Variants in SLCO1A2 observed in about 807,000 individuals in gnomAD.
SLCO1A2 encodes the protein OATP-1.
In SLCO1A2, 67 loss-of-function variants were observed where a neutral mutation model predicts 69.0. The observed-to-expected ratio is 0.97, with a 90% confidence interval of 0.80 to 1.19. The LOEUF is 1.19. Ranked by LOEUF, SLCO1A2 falls within the 50% of genes most tolerant of loss-of-function variation. The probability of loss-of-function intolerance (pLI) is 0.00; values close to 1 mark genes in which losing one functional copy is unlikely to be tolerated. For missense variants in SLCO1A2, 787 were observed against 793.7 expected (o/e 0.99, Z 0.10); for synonymous variants, 260 against 265.9 (o/e 0.98, Z 0.22).
chr12:21,405,981 G>A (rs1269922029), intron 1 of SLCO1A2, among the ~76,000 whole-genome samples: 1 of 152,142 alleles, frequency 6.6e-6, no homozygotes, highest in East Asian at 1.9e-4. Flanking sequence ...AATATTTATT[G>A]AGCACCTACT....
intron 4 of SLCO1A2, among the ~76,000 whole-genome samples, chr12:21,308,317 T>C (rs192980925): frequency 6.6e-6 from 1 of 152,032 alleles, no homozygotes; most frequent in Admixed American, 6.5e-5. Flanking sequence ...ATTTTCAAAA[T>C]GGAAAAGCAG....
In SLCO1A2 at chr12:21,269,494, A is replaced by ATTAAG. The variant is rs1370265428; in HGVS notation, c.*49_*53dup. 6.7e-6 allele frequency: 9 copies of ATTAAG among 1,348,124 alleles called. No homozygotes were observed. Among genetic ancestry groups the ATTAAG allele is most frequent in the Non-Finnish European group, 8.3e-6 (8 of 965,370 alleles). 83.5% of individuals were successfully genotyped at this position (1,348,124 alleles called of 1,614,324 possible). On this transcript the variant is annotated 3_prime_UTR_variant, in exon 15 of 15. Coordinates refer to ENST00000683939, the MANE Select transcript of SLCO1A2 (RefSeq NM_001386879.1). ...TATATCTCTACTGATTTTTAAAACA[A>ATTAAG]TTAAGTTGTACAGCATGTTCTCTAA...
chr12:21,271,006 A>G (rs770042275), intron 14 of SLCO1A2, among the ~76,000 whole-genome samples: 1 of 151,570 alleles, frequency 6.6e-6, no homozygotes, highest in Non-Finnish European at 1.5e-5. Context: ...ATTTTCTTTT[A>G]TTATGAAACA....
chr12:21,338,794 T>TA (rs1325657928), upstream of SLCO1A2, among the ~76,000 whole-genome samples: 1 of 151,818 alleles, frequency 6.6e-6, no homozygotes, highest in Non-Finnish European at 1.5e-5. Context: ...CTTTTTCTCA[T>TA]AGAGACAAGA....
chr12:21,408,037 A>T (rs930189247), intron 1 of SLCO1A2, among the ~76,000 whole-genome samples: 1 of 152,118 alleles, frequency 6.6e-6, no homozygotes, highest in Non-Finnish European at 1.5e-5. Flanking sequence ...AAGTCTTTCT[A>T]TAGGGGGAAT....
intron 2 of SLCO1A2, among the ~76,000 whole-genome samples, chr12:21,357,627 T>C (rs952513202): frequency 5.9e-5 from 9 of 152,218 alleles, no homozygotes; most frequent in African/African-American, 1.7e-4. Flanking sequence ...CTAAGTATTA[T>C]TGAATGAATA....
At chr12:21,393,399 T>G (rs541927972) in intron 1 of SLCO1A2, among the ~76,000 whole-genome samples, 1 of 152,288 alleles carries the variant, frequency 6.6e-6, no homozygotes, top group Non-Finnish European at 1.5e-5. Context: ...ATACACTGAT[T>G]CTATTAGATG....
chr12:21,364,910 T>C (rs895467584), intron 2 of SLCO1A2, among the ~76,000 whole-genome samples: 2 of 152,086 alleles, frequency 1.3e-5, no homozygotes, highest in East Asian at 1.9e-4. Flanking sequence ...CACAAACAAA[T>C]GGAAGAACAT....
exon 2 of SLCO1A2, chr12:21,374,471 T>A (rs1282557412): frequency 2.0e-5 from 3 of 152,108 alleles, no homozygotes; most frequent in Admixed American, 1.3e-4. Context: ...TTTGTTTTCC[T>A]TCGAGGTAGT....
rs575770369 is a variant in SLCO1A2 at position 21,265,592 on chromosome 12, A to T, written c.*3956T>A. On this transcript the variant is annotated 3_prime_UTR_variant, in exon 15 of 15. Transcript: ENST00000683939. ...TAGTTTCTCCATGTTGGGAAGGCTTAGGGGTTGGGAACTTGGCACAGGACC... is the reference window on the plus strand; with the variant it reads ...TAGTTTCTCCATGTTGGGAAGGCTTTGGGGTTGGGAACTTGGCACAGGACC... 11 of 152,256 alleles carry T rather than the reference A, an allele frequency of 7.2e-5. No individual in the cohort carries two copies. The South Asian group carries it at 2.3e-3, about 32-fold the overall frequency. The allele number at this position is 152,256 out of a possible 1,614,324, so 9.4% of individuals were successfully genotyped here. A position where few individuals can be genotyped will look rare whatever the true frequency, so the allele number is the denominator to read the frequency against.
At chr12:21,413,237 CTTTTTTTT>C (rs3983534) in intron 1 of SLCO1A2, among the ~76,000 whole-genome samples, 2 of 99,432 alleles carry the variant, frequency 2.0e-5, no homozygotes, top group Admixed American at 1.3e-4. Flanking sequence ...TTTTCTTTTT[CTTTTTTTT>C]TTTTTTTTTT....
chr12:21,351,252 G>A (rs1937927614), intron 2 of SLCO1A2, among the ~76,000 whole-genome samples: 1 of 152,146 alleles, frequency 6.6e-6, no homozygotes, highest in African/African-American at 2.4e-5. Context: ...CAAGCATGGA[G>A]GTCACAAAGT....
intron 2 of SLCO1A2, among the ~76,000 whole-genome samples, chr12:21,330,128 A>G (rs901156983): frequency 1.3e-5 from 2 of 152,080 alleles, no homozygotes; most frequent in African/African-American, 2.4e-5. Flanking sequence ...TAACAGACAT[A>G]CAGACAAAAG....
At chr12:21,350,941 T>A (rs758818620) in intron 2 of SLCO1A2, among the ~76,000 whole-genome samples, 12 of 152,188 alleles carry the variant, frequency 7.9e-5, no homozygotes, top group Admixed American at 2.6e-4. Flanking sequence ...TGGGTTTTTT[T>A]AATAAGCATA....
chr12:21,300,713 A>C, intron 7 of SLCO1A2, 144 bp from the exon 8 acceptor site: 2 of 613,246 alleles, frequency 3.3e-6, no homozygotes, highest in Non-Finnish European at 5.4e-6. Context: ...TTTTTCTAAT[A>C]ATATGTGGTG....
Position 21,265,809 on chromosome 12 carries a change from A to G in SLCO1A2, c.*3739T>C, listed in dbSNP as rs1942010287. ...TTTTTCCTTTTCCCCTTGGTAATAA[A>G]TTTGAGGGATCTAAGAATGCCAGAA... On this transcript the variant is annotated 3_prime_UTR_variant, in exon 15 of 15. Transcript: ENST00000683939. The G allele has an allele frequency of 6.6e-6, 1 of 152,154 alleles. No homozygotes were observed. Among genetic ancestry groups the G allele is most frequent in the African/African-American group, 2.4e-5 (1 of 41,428 alleles). 9.4% of individuals were successfully genotyped at this position (152,154 alleles called of 1,614,324 possible). A position where few individuals can be genotyped will look rare whatever the true frequency, so the allele number is the denominator to read the frequency against.
At chr12:21,377,497 A>G (rs1057473440) in intron 1 of SLCO1A2, among the ~76,000 whole-genome samples, 3 of 152,190 alleles carry the variant, frequency 2.0e-5, no homozygotes, top group African/African-American at 7.2e-5. Context: ...GTTGGGCAGC[A>G]GATCTCTAGA....
intron 1 of SLCO1A2, among the ~76,000 whole-genome samples, chr12:21,412,959 C>T (rs1316996148): frequency 2.0e-5 from 3 of 152,184 alleles, no homozygotes; most frequent in African/African-American, 4.8e-5. Flanking sequence ...AAATCTGGTA[C>T]CCAGTTCTGC....
At chr12:21,378,158 C>A (rs1345257091) in intron 1 of SLCO1A2, 3 of 1,291,888 alleles carry the variant, frequency 2.3e-6, no homozygotes, top group East Asian at 4.6e-5. Context: ...TTCATCAATA[C>A]AAGATATTTG....
Sources: gnomAD v4.1 joint callset for allele counts (sites outside exome capture counted in the v4.1 genomes callset) on GRCh38, gnomAD v4.1.1 for gene constraint, MANE v1.5 for transcripts, NCBI Gene and HGNC (gene_info 2026-07-23, HGNC 2026-07-21) for gene names.